SVIL: variants seen among roughly 807,000 people sequenced by gnomAD.
The protein encoded by SVIL is archvillin.
Under a neutral mutation model 240.4 loss-of-function variants are expected in SVIL, and 101 were observed. That is an observed-to-expected ratio of 0.42 (90% CI 0.36 to 0.50). The LOEUF is 0.50. Among genes scored for constraint, SVIL ranks in the 20% least tolerant of loss-of-function variants. The probability of loss-of-function intolerance (pLI) is 0.01; values close to 1 mark genes in which losing one functional copy is unlikely to be tolerated. For synonymous variants in SVIL, 999 were observed against 1,100.0 expected (o/e 0.91, Z 1.82); for missense variants, 2,512 against 2,818.7 (o/e 0.89, Z 2.46).
rs1951448583 is a variant in SVIL, at chr10:29,532,547, G to A, written c.1820C>T (p.Ala607Val). The A allele has an allele frequency of 1.2e-6, 2 of 1,610,716 alleles. No homozygotes were observed. The highest frequency in any genetic ancestry group is 1.7e-6 in the Non-Finnish European group (2 of 1,177,198). ...LRSAFLASANACRRPELKSRV... is the reference protein window; with the variant it reads ...LRSAFLASANVCRRPELKSRV... ...CACCTACAGTTCAGGTCTCCTGCAG[G>A]CGTTGGCAGATGCCAGGAACGCACT... The change falls in exon 8 of 38, where the codon GCC becomes GTC. Residue 607 changes from alanine (A) to valine (V), a missense_variant. By Grantham distance (64) the Ala-to-Val change is moderately conservative. Transcript: ENST00000355867.
In SVIL at chr10:29,487,659, A is replaced by G. The variant is rs746617107; in HGVS notation, c.4349-360T>C. The G allele has an allele frequency of 8.0e-5, 14 of 175,744 alleles. No homozygotes were observed. In the East Asian group the frequency reaches 1.7e-3, roughly 21 times the overall value. 10.9% of individuals were successfully genotyped at this position (175,744 alleles called of 1,614,324 possible). A position where few individuals can be genotyped will look rare whatever the true frequency, so the allele number is the denominator to read the frequency against. ...CTCCCCTGGCCACCTCCTGCACCCA[A>G]TTACATCTGTGGCCCAGGCAAGGGA... On this transcript the variant is annotated intron_variant, in intron 23 of 37. Coordinates refer to ENST00000355867, the MANE Select transcript of SVIL (RefSeq NM_021738.3).
chr10:29,536,911 C>CAAAAAAAAAAA (rs59133069), intron 6 of SVIL, among the ~76,000 whole-genome samples: 7 of 89,828 alleles, frequency 7.8e-5, no homozygotes, highest in African/African-American at 1.4e-4. Flanking sequence ...GACTCTGTCA[C>CAAAAAAAAAAA]AAAAAAAAAA....
chr10:29,500,483 C>T (rs1335369306), intron 17 of SVIL, among the ~76,000 whole-genome samples: 1 of 152,108 alleles, frequency 6.6e-6, no homozygotes, highest in Non-Finnish European at 1.5e-5. Context: ...CGGTGATGGC[C>T]TCCTGGGTTT....
intron 1 of SVIL, among the ~76,000 whole-genome samples, chr10:29,691,433 G>A (rs1008612507): frequency 1.3e-5 from 2 of 152,030 alleles, no homozygotes; most frequent in African/African-American, 4.8e-5. Flanking sequence ...GGATGGTCTC[G>A]ATCTCCTGAC....
intron 30 of SVIL, chr10:29,473,617 T>C: frequency 5.0e-6 from 3 of 601,768 alleles, no homozygotes; most frequent in Non-Finnish European, 8.6e-6. Flanking sequence ...TATTTGCAGA[T>C]ACAACATTTT....
chr10:29,677,558 G>A (rs1960293637), intron 2 of SVIL, among the ~76,000 whole-genome samples: 1 of 152,004 alleles, frequency 6.6e-6, no homozygotes, highest in African/African-American at 2.4e-5. Context: ...TAAGTAGCTG[G>A]GACTATAGCT....
At chr10:29,597,227 C>A (rs1035869175) in intron 1 of SVIL, among the ~76,000 whole-genome samples, 1 of 152,176 alleles carries the variant, frequency 6.6e-6, no homozygotes, top group Admixed American at 6.5e-5. Context: ...ACTCCTTAAA[C>A]GGGCTGCACT....
At chr10:29,590,237 C>G (rs1239272268) in intron 1 of SVIL, among the ~76,000 whole-genome samples, 2 of 149,036 alleles carry the variant, frequency 1.3e-5, no homozygotes, top group Non-Finnish European at 3.0e-5. Context: ...CTGGGACTCT[C>G]TCCTTAATAA....
chr10:29,575,800 G>A (rs1955668635), intron 1 of SVIL, among the ~76,000 whole-genome samples: 1 of 152,132 alleles, frequency 6.6e-6, no homozygotes, highest in Non-Finnish European at 1.5e-5. Flanking sequence ...AGACACATGT[G>A]ATGGAATCCT....
At chr10:29,529,670 T>C (rs765081210) in intron 12 of SVIL, 35 bp downstream of exon 12, 7 of 1,559,956 alleles carry the variant, frequency 4.5e-6, no homozygotes, top group Non-Finnish European at 5.2e-6. Flanking sequence ...AAAAAGACAC[T>C]ATAGACAAGG....
intron 1 of SVIL, among the ~76,000 whole-genome samples, chr10:29,696,241 CA>C (rs1220164673): frequency 6.6e-6 from 1 of 151,944 alleles, no homozygotes; most frequent in Non-Finnish European, 1.5e-5. Flanking sequence ...GACGGAGTCT[CA>C]TTCACTTAGT....
chr10:29,727,340 T>G (rs565036334), intron 1 of SVIL, among the ~76,000 whole-genome samples: 1 of 152,088 alleles, frequency 6.6e-6, no homozygotes, highest in Non-Finnish European at 1.5e-5. Context: ...CATAGCTCAC[T>G]GTGGCCTCGA....
chr10:29,538,638 G>C (rs142868266), intron 6 of SVIL, among the ~76,000 whole-genome samples: 5 of 152,230 alleles, frequency 3.3e-5, no homozygotes, highest in African/African-American at 1.2e-4. Context: ...TGAGGGGAAC[G>C]ACCCATCTCC....
chr10:29,605,299 TG>T (rs1286010184), intron 1 of SVIL, among the ~76,000 whole-genome samples: 1 of 152,218 alleles, frequency 6.6e-6, no homozygotes, highest in African/African-American at 2.4e-5. Flanking sequence ...TGAATCTAAG[TG>T]TATCTGAAAG....
At chr10:29,536,658 C>T (rs1951761814) in intron 6 of SVIL, among the ~76,000 whole-genome samples, 1 of 151,976 alleles carries the variant, frequency 6.6e-6, no homozygotes. Context: ...GCCTGTAATC[C>T]CAGCACTTTG....
At chr10:29,551,354 A>G in intron 5 of SVIL, 91 bp from the exon 6 acceptor site, 1 of 1,250,988 alleles carries the variant, frequency 8.0e-7, no homozygotes, top group Non-Finnish European at 1.1e-6. Context: ...CACAGCACAC[A>G]CCTGGGTGCC....
At chr10:29,568,783 A>G (rs61846647) in intron 2 of SVIL, among the ~76,000 whole-genome samples, 1 of 122,032 alleles carries the variant, frequency 8.2e-6, no homozygotes, top group Non-Finnish European at 1.7e-5. Context: ...GGATGGGTGG[A>G]TGGGTGGATG....
At chr10:29,518,492 A>G (rs756442469) in intron 16 of SVIL, among the ~76,000 whole-genome samples, 1 of 152,180 alleles carries the variant, frequency 6.6e-6, no homozygotes, top group Non-Finnish European at 1.5e-5. Flanking sequence ...GTTTTCCTAT[A>G]ATTTCTTAGT....
chr10:29,644,736 G>C (rs1958600794), intron 3 of SVIL, among the ~76,000 whole-genome samples: 1 of 152,218 alleles, frequency 6.6e-6, no homozygotes, highest in African/African-American at 2.4e-5. Flanking sequence ...ATCTTACAAT[G>C]TATCTTTGGC....
Sources: allele counts gnomAD v4.1 joint callset (sites outside exome capture counted in the v4.1 genomes callset), GRCh38; gene constraint gnomAD v4.1.1; transcripts MANE v1.5; gene names NCBI Gene and HGNC (gene_info 2026-07-23, HGNC 2026-07-21).